DOCK2: variants seen among roughly 807,000 people sequenced by gnomAD.
The protein encoded by DOCK2 is dedicator of cytokinesis 2, also known as dedicator of cytokinesis protein 2.
In DOCK2, 87 loss-of-function variants were observed where a neutral mutation model predicts 248.9. The observed-to-expected ratio is 0.35, with a 90% confidence interval of 0.29 to 0.42. The LOEUF (loss-of-function observed/expected upper bound fraction) is 0.42, where lower values mean the gene tolerates loss of function less well. Among genes scored for constraint, DOCK2 ranks in the 10% least tolerant of loss-of-function variants. The pLI is 1.00. For synonymous variants in DOCK2, 805 were observed against 821.6 expected (o/e 0.98, Z 0.35); for missense variants, 1,747 against 2,300.2 (o/e 0.76, Z 4.92).
chr5:169,725,775 C>T (rs182105509), intron 22 of DOCK2, among the ~76,000 whole-genome samples: 17 of 151,934 alleles, frequency 1.1e-4, no homozygotes, highest in Middle Eastern at 3.4e-3. Context: ...TCTCTCCTTG[C>T]GATAGTTTGC....
chr5:169,674,261 A>C, intron 5 of DOCK2, 36 bp from the exon 6 acceptor site: 1 of 1,611,156 alleles, frequency 6.2e-7, no homozygotes, highest in Non-Finnish European at 8.5e-7. Flanking sequence ...ATGCCCCTTT[A>C]ACACAGGTAA....
At chr5:169,747,928 A>G (rs1296104441) in intron 23 of DOCK2, among the ~76,000 whole-genome samples, 1 of 152,206 alleles carries the variant, frequency 6.6e-6, no homozygotes, top group Non-Finnish European at 1.5e-5. Flanking sequence ...CACGATGCTA[A>G]TCTGTGAAGA....
chr5:169,945,257 G>T (rs116986775), intron 27 of DOCK2, among the ~76,000 whole-genome samples: 1 of 152,206 alleles, frequency 6.6e-6, no homozygotes, highest in Non-Finnish European at 1.5e-5. Flanking sequence ...TTCATACAAC[G>T]GGTCAATAAT....
intron 44 of DOCK2, among the ~76,000 whole-genome samples, chr5:170,061,924 G>C (rs1382406190): frequency 6.6e-6 from 1 of 152,188 alleles, no homozygotes; most frequent in East Asian, 1.9e-4. Context: ...GTACTTGACA[G>C]ATACTAGACC....
rs376768017 is a variant in DOCK2 at position 170,057,684 on chromosome 5, G to A, written c.4467+18G>A. 80 of 1,587,564 alleles carry A rather than the reference G, an allele frequency of 5.0e-5. No homozygotes were observed. The highest frequency in any genetic ancestry group is 1.6e-4 in the Admixed American group (9 of 57,430). Reference sequence around the variant, plus strand: ...TGTCGCAGGTGAGTCTGGGACATTCGTGGCAGGGCCACCCTTCCTCCGATG... The same window carrying A: ...TGTCGCAGGTGAGTCTGGGACATTCATGGCAGGGCCACCCTTCCTCCGATG... On this transcript the variant is annotated intron_variant, in intron 44 of 51. Coordinates refer to ENST00000520908, the MANE Select transcript of DOCK2 (RefSeq NM_004946.3).
chr5:169,846,238 G>C (rs1014974235), intron 27 of DOCK2, among the ~76,000 whole-genome samples: 2 of 152,178 alleles, frequency 1.3e-5, no homozygotes, highest in African/African-American at 2.4e-5. Context: ...TACGGGATTA[G>C]TGACAGTTTT....
At chr5:169,803,258 G>C in intron 26 of DOCK2, 52 bp downstream of exon 26, 1 of 1,576,502 alleles carries the variant, frequency 6.3e-7, no homozygotes, top group Non-Finnish European at 8.6e-7. Context: ...GGGCTAAGTT[G>C]ATTACATTGT....
chr5:169,954,717 T>G (rs1264416930), intron 27 of DOCK2, among the ~76,000 whole-genome samples: 1 of 152,224 alleles, frequency 6.6e-6, no homozygotes, highest in Non-Finnish European at 1.5e-5. Flanking sequence ...GTTGTTTGTT[T>G]ATTTGTTTTT....
At chr5:170,035,120 A>G (rs1756277848) in intron 35 of DOCK2, among the ~76,000 whole-genome samples, 1 of 152,210 alleles carries the variant, frequency 6.6e-6, no homozygotes, top group Non-Finnish European at 1.5e-5. Context: ...CCCAGACCCA[A>G]GTTCTTAACC....
chr5:169,660,942 G>T (rs184816874), intron 2 of DOCK2, among the ~76,000 whole-genome samples: 1 of 151,504 alleles, frequency 6.6e-6, no homozygotes, highest in African/African-American at 2.4e-5. Flanking sequence ...TTGCTTTGTT[G>T]TGATGGAAAT....
chr5:169,708,395 C>A, intron 15 of DOCK2, 128 bp downstream of exon 15: 1 of 960,024 alleles, frequency 1.0e-6, no homozygotes, highest in Non-Finnish European at 1.6e-6. Context: ...ACTAATATTT[C>A]CTTCATTTTA....
chr5:170,019,049 A>G lies in DOCK2; in HGVS notation c.3322A>G (p.Ile1108Val), dbSNP rs1273418878. The G allele has an allele frequency of 1.9e-6, 3 of 1,614,048 alleles. No individual in the cohort carries two copies. The highest frequency in any genetic ancestry group is 1.7e-6 in the Non-Finnish European group (2 of 1,179,996). The change falls in exon 33 of 52, where the codon ATA (isoleucine) becomes GTA (valine). Residue 1108 changes from isoleucine (I) to valine (V), a missense_variant. By Grantham distance (29) the Ile-to-Val change is conservative. Coordinates refer to ENST00000520908, the MANE Select transcript of DOCK2 (RefSeq NM_004946.3). ...IPEAELRKAT[I>V]PIFFDMMLCE... ...TGAGGCTGAGCTCCGGAAAGCCACC[A>G]TACCAATCTTCTTCGACATGATGCT...
Position 169,759,804 on chromosome 5 carries a change from C to A in DOCK2, c.2447+29C>A, listed in dbSNP as rs749966491. On this transcript the variant is annotated intron_variant, in intron 24 of 51. Coordinates refer to ENST00000520908, the MANE Select transcript of DOCK2 (RefSeq NM_004946.3). Reference sequence around the variant, plus strand: ...AGAGCTCATGTTGTACTTTCTTGGGCTCTGCTGGCAAGCTAGGGATTCAGA... The same window carrying A: ...AGAGCTCATGTTGTACTTTCTTGGGATCTGCTGGCAAGCTAGGGATTCAGA... The A allele has an allele frequency of 2.5e-6, 4 of 1,613,216 alleles. No homozygotes were observed. The South Asian group carries it at 3.3e-5, about 13-fold the overall frequency.
chr5:169,983,773 T>A (rs1296414761), intron 28 of DOCK2, among the ~76,000 whole-genome samples: 1 of 152,170 alleles, frequency 6.6e-6, no homozygotes, highest in Admixed American at 6.5e-5. Flanking sequence ...GGAGTCCCAC[T>A]GCTTAAGGTC....
chr5:169,702,048 G>T, intron 13 of DOCK2: 1 of 322,658 alleles, frequency 3.1e-6, no homozygotes, highest in Non-Finnish European at 5.8e-6. Flanking sequence ...TTTTAATGTC[G>T]AGAAAAACAT....
In DOCK2 at chr5:169,697,185, G is replaced by A. The variant is rs140457195; in HGVS notation, c.980-1189G>A. On this transcript the variant is annotated intron_variant, in intron 10 of 51. Coordinates refer to ENST00000520908, the MANE Select transcript of DOCK2 (RefSeq NM_004946.3). ...TAACTGAAGAGCTTATGAATAGATC[G>A]CTTCAGGCATAGCTGGATCCAGGAA... Among the ~76,000 whole-genome samples, 146 of 152,236 alleles carry A rather than the reference G, an allele frequency of 9.6e-4. 1 individual carries two copies. The highest frequency in any genetic ancestry group is 3.2e-3 in the African/African-American group (133 of 41,536).
intron 22 of DOCK2, among the ~76,000 whole-genome samples, chr5:169,734,336 T>C (rs551619237): frequency 6.5e-4 from 99 of 152,334 alleles, no homozygotes; most frequent in Non-Finnish European, 8.5e-4. Context: ...TTGTACACTT[T>C]GTTGCATAAT....
chr5:170,018,278 G>A (rs559777594), intron 32 of DOCK2, among the ~76,000 whole-genome samples: 1 of 152,296 alleles, frequency 6.6e-6, no homozygotes, highest in East Asian at 1.9e-4. Flanking sequence ...GGAGCAGACA[G>A]GGAAAAGTAT....
intron 27 of DOCK2, chr5:169,841,289 G>T (rs1769955877): frequency 3.4e-5 from 33 of 981,754 alleles, no homozygotes; most frequent in Non-Finnish European, 3.9e-5. Context: ...ATAGATGCTG[G>T]TTATTCAAGG....
Sources: allele counts gnomAD v4.1 joint callset (sites outside exome capture counted in the v4.1 genomes callset), GRCh38; gene constraint gnomAD v4.1.1; transcripts MANE v1.5; gene names NCBI Gene and HGNC (gene_info 2026-07-23, HGNC 2026-07-21).